The following ATRX variants were observed in gnomAD, a reference collection of about 807,000 sequenced individuals.
ATRX encodes the protein ATRX chromatin remodeler, also known as chromatin remodeler ATRX.
In ATRX, 12 loss-of-function variants were observed where a neutral mutation model predicts 172.6. The ratio of observed to expected loss-of-function variants is 0.07; its 90% CI spans 0.04 to 0.11. The LOEUF (loss-of-function observed/expected upper bound fraction) is 0.11. Ranked by LOEUF, ATRX falls within the 10% of genes least tolerant of loss-of-function variation. The pLI, the probability that ATRX is intolerant of heterozygous loss-of-function variation, is 1.00. For synonymous variants in ATRX, 674 were observed against 594.7 expected (o/e 1.13, Z -1.94); for missense variants, 1,368 against 1,767.4 (o/e 0.77, Z 4.05).
At position 77,628,862 on chromosome X, in the gene ATRX, G is replaced by A. The variant is rs2067988950; in HGVS notation, c.5134+4345C>T. Among the ~76,000 whole-genome samples, 10 of 111,836 alleles carry A rather than the reference G, an allele frequency of 8.9e-5. No individual in the cohort carries two copies. In the Admixed American group the frequency reaches 9.5e-4, roughly 11 times the overall value. On this transcript the variant is annotated intron_variant, in intron 19 of 34. Coordinates refer to ENST00000373344, the MANE Select transcript of ATRX (RefSeq NM_000489.6). ...AGCCTCAAGCAATCCTCCTGCCTTG[G>A]CCTCCCAAAGTATTGTTATTACAGG...
At chrX:77,785,830 C>A (rs1265716379) in intron 1 of ATRX, 152 bp downstream of exon 1, 5 of 813,097 alleles carry the variant, frequency 6.1e-6, no homozygotes, top group Non-Finnish European at 7.3e-6. Context: ...GCCGATACCC[C>A]GAAACCCTTC....
At chrX:77,651,086 G>A (rs1194160410) in intron 15 of ATRX, among the ~76,000 whole-genome samples, 6 of 108,519 alleles carry the variant, frequency 5.5e-5, no homozygotes, top group Non-Finnish European at 7.6e-5. Flanking sequence ...GCATGGTGGC[G>A]TGCACCTGTA....
chrX:77,706,444 C>T (rs1267638433), intron 2 of ATRX, among the ~76,000 whole-genome samples: 1 of 111,418 alleles, frequency 9.0e-6, no homozygotes, highest in South Asian at 3.7e-4. Context: ...AGATCAAAGA[C>T]CTAAATTTAA....
intron 1 of ATRX, among the ~76,000 whole-genome samples, chrX:77,735,019 G>A (rs938007788): frequency 1.0e-4 from 11 of 107,647 alleles, no homozygotes; most frequent in South Asian, 4.0e-4. Context: ...TTGAATCCGG[G>A]AGGCAGAGGT....
At chrX:77,746,580 T>C (rs1259102106) in intron 1 of ATRX, among the ~76,000 whole-genome samples, 3 of 111,746 alleles carry the variant, frequency 2.7e-5, no homozygotes, top group African/African-American at 9.8e-5. Context: ...ACTCTCAAAA[T>C]GCAAATTCCT....
chrX:77,607,731 GAAGT>G (rs2066977631), intron 22 of ATRX, among the ~76,000 whole-genome samples: 1 of 76,305 alleles, frequency 1.3e-5, no homozygotes, highest in Non-Finnish European at 2.6e-5. Flanking sequence ...AAAAAAAAAA[GAAGT>G]AAAAGAACTC....
chrX:77,785,449 C>T (rs1295216599), intron 1 of ATRX, among the ~76,000 whole-genome samples: 2 of 109,378 alleles, frequency 1.8e-5, no homozygotes, highest in African/African-American at 6.7e-5. Context: ...CAAAAAAAGG[C>T]TTGTCTCCTG....
intron 27 of ATRX, among the ~76,000 whole-genome samples, chrX:77,588,723 T>C (rs2066125692): frequency 9.0e-6 from 1 of 111,536 alleles, no homozygotes; most frequent in Admixed American, 9.5e-5. Flanking sequence ...ATCATATATA[T>C]GATAGGGGCC....
chrX:77,522,351 T>A lies in ATRX; in HGVS notation c.6887A>T (p.Asn2296Ile). The change falls in exon 32 of 35, where the codon AAT (asparagine) becomes ATT (isoleucine). Residue 2296 changes from asparagine to isoleucine, a missense_variant. Asn to Ile is a moderately radical substitution (Grantham distance 149, BLOSUM62 -3). This residue lies in a region of ATRX where 100 missense variants were observed against 153.9 expected (regional missense o/e 0.65). Coordinates refer to ENST00000373344, the MANE Select transcript of ATRX (RefSeq NM_000489.6). ...TMRFNIPTGT[N>I]LPPVSFNSQT... ...AGAGTTGAAACTGACAGGGGGTAAA[T>A]TGGTCCCAGTTGGTATGTTGAAACG... 1 of 1,209,875 alleles carries A rather than the reference T, an allele frequency of 8.3e-7. No homozygotes were observed. The highest frequency in any genetic ancestry group is 1.1e-6 in the Non-Finnish European group (1 of 894,222).
chrX:77,779,028 C>A (rs961681376), intron 1 of ATRX, among the ~76,000 whole-genome samples: 12 of 106,785 alleles, frequency 1.1e-4, no homozygotes, highest in Middle Eastern at 4.8e-3. Context: ...CCCAGGTTCA[C>A]GAAGTTCTCC....
chrX:77,521,441 C>T lies in ATRX; in HGVS notation c.7033G>A (p.Val2345Met). 8.3e-7 allele frequency: 1 copy of T among 1,210,274 alleles called. No individual in the cohort carries two copies. The highest frequency in any genetic ancestry group is 1.1e-6 in the Non-Finnish European group (1 of 894,328). The change falls in exon 33 of 35, where the codon GTG (valine) becomes ATG (methionine). Residue 2345 changes from valine (V) to methionine (M), a missense_variant. Coordinates refer to ENST00000373344, the MANE Select transcript of ATRX (RefSeq NM_000489.6). ...VVEATNSVTAVRIQPLEDIIS... is the reference protein window; with the variant it reads ...VVEATNSVTAMRIQPLEDIIS... ...ATATCCTCAAGAGGTTGAATCCTCACTGCTGTCACACTGTTTGTTGCTTCT... is the reference window on the plus strand; with the variant it reads ...ATATCCTCAAGAGGTTGAATCCTCATTGCTGTCACACTGTTTGTTGCTTCT...
intron 1 of ATRX, among the ~76,000 whole-genome samples, chrX:77,741,050 A>G (rs1280943409): frequency 2.8e-5 from 3 of 108,791 alleles, no homozygotes; most frequent in African/African-American, 1.0e-4. Context: ...ACACACACAC[A>G]CACACACACA....
chrX:77,562,435 T>C (rs1056669853), intron 28 of ATRX, among the ~76,000 whole-genome samples: 2 of 112,176 alleles, frequency 1.8e-5, no homozygotes, highest in African/African-American at 6.5e-5. Context: ...ACTAGTAATG[T>C]AGGATAGAAC....
intron 1 of ATRX, among the ~76,000 whole-genome samples, chrX:77,730,876 AAAG>A (rs2074267536): frequency 9.0e-6 from 1 of 111,097 alleles, no homozygotes; most frequent in Non-Finnish European, 1.9e-5. Flanking sequence ...CTACATGAAA[AAAG>A]AAGAAATACT....
intron 1 of ATRX, among the ~76,000 whole-genome samples, chrX:77,752,247 G>A (rs1333651938): frequency 9.0e-6 from 1 of 111,503 alleles, no homozygotes; most frequent in Non-Finnish European, 1.9e-5. Context: ...TAGTAATTGT[G>A]AAAGGGAGTT....
At position 77,520,875 on chromosome X, in the gene ATRX, C is replaced by T. The variant is rs782703242; in HGVS notation, c.7113G>A (p.Ala2371=). 57 of 1,208,077 alleles carry T rather than the reference C, an allele frequency of 4.7e-5. No homozygotes were observed. The highest frequency in any genetic ancestry group is 5.6e-5 in the Non-Finnish European group (50 of 893,454). The change falls in exon 34 of 35, where the codon GCG becomes GCA. Residue 2371 remains alanine, a synonymous_variant. Coordinates refer to ENST00000373344, the MANE Select transcript of ATRX (RefSeq NM_000489.6). ...NMNLSEAQVQ[A]LALSRQASQE... Reference sequence around the variant, plus strand: ...GGCTGGCTTGTCTACTTAATGCTAACGCCTGTACTTGGGCCTCTGAGAGAT... The same window carrying T: ...GGCTGGCTTGTCTACTTAATGCTAATGCCTGTACTTGGGCCTCTGAGAGAT...
intron 1 of ATRX, among the ~76,000 whole-genome samples, chrX:77,722,054 G>A (rs2073798882): frequency 9.0e-6 from 1 of 111,546 alleles, no homozygotes; most frequent in East Asian, 2.8e-4. Context: ...TGACAAACCT[G>A]ACAAAAACAA....
At chrX:77,742,976 C>T (rs1431752251) in intron 1 of ATRX, among the ~76,000 whole-genome samples, 3 of 111,155 alleles carry the variant, frequency 2.7e-5, no homozygotes, top group African/African-American at 9.8e-5. Context: ...GCAACAGGGC[C>T]AGTCCTAGCC....
chrX:77,707,320 G>A (rs1330143890), intron 2 of ATRX, among the ~76,000 whole-genome samples: 6 of 112,101 alleles, frequency 5.4e-5, no homozygotes, highest in African/African-American at 6.5e-5. Flanking sequence ...TTTACTTAAC[G>A]TTACAGGACT....
Sources: allele counts gnomAD v4.1 joint callset (sites outside exome capture counted in the v4.1 genomes callset), GRCh38; gene constraint gnomAD v4.1.1; regional missense constraint gnomAD v4.1.1; transcripts MANE v1.5; gene names NCBI Gene and HGNC (gene_info 2026-07-23, HGNC 2026-07-21).